The following MAPK10 variants were observed in gnomAD, a reference collection of about 807,000 sequenced individuals.
MAPK10 encodes the protein mitogen-activated protein kinase 10.
Under a neutral mutation model 59.3 loss-of-function variants are expected in MAPK10, and 25 were observed. That is an observed-to-expected ratio of 0.42 (90% CI 0.31 to 0.59). MAPK10 has a LOEUF of 0.59. Among genes scored for constraint, MAPK10 ranks in the 20% least tolerant of loss-of-function variants. MAPK10 has a pLI of 0.15. For synonymous variants in MAPK10, 190 were observed against 200.5 expected (o/e 0.95, Z 0.44); for missense variants, 351 against 568.9 (o/e 0.62, Z 3.90).
At chr4:86,564,904 CG>C (rs1184992462) in intron 1 of MAPK10, among the ~76,000 whole-genome samples, 2 of 152,026 alleles carry the variant, frequency 1.3e-5, no homozygotes, top group Admixed American at 6.6e-5. Context: ...CATGAGATGG[CG>C]GGGGAAGTTC....
In MAPK10 at chr4:86,396,296, G is replaced by A. The variant is rs1031883414; in HGVS notation, c.-121-41652C>T. Among the ~76,000 whole-genome samples the A allele has an allele frequency of 1.2e-4, 19 of 152,254 alleles. No individual in the cohort carries two copies. The East Asian group carries it at 3.5e-3, about 28-fold the overall frequency. Reference sequence around the variant, plus strand: ...CAGGAGGCGGAGCTTGCAGTGAGCCGAGATCGTGCCACTGCACTCCAGCCT... The same window carrying A: ...CAGGAGGCGGAGCTTGCAGTGAGCCAAGATCGTGCCACTGCACTCCAGCCT... On this transcript the variant is annotated intron_variant, in intron 1 of 13. Transcript: ENST00000361569.
intron 1 of MAPK10, among the ~76,000 whole-genome samples, chr4:86,504,074 C>G (rs1755539636): frequency 6.6e-6 from 1 of 152,100 alleles, no homozygotes; most frequent in Non-Finnish European, 1.5e-5. Flanking sequence ...CCAGCCTACC[C>G]AGATAATCCC....
chr4:86,325,697 A>G (rs2096007273), intron 2 of MAPK10, among the ~76,000 whole-genome samples: 1 of 152,224 alleles, frequency 6.6e-6, no homozygotes, highest in African/African-American at 2.4e-5. Context: ...AGTAAAAACA[A>G]TTTGGAATAG....
At chr4:86,070,727 T>A (rs1168924029) in intron 9 of MAPK10, among the ~76,000 whole-genome samples, 1 of 150,990 alleles carries the variant, frequency 6.6e-6, no homozygotes, top group Non-Finnish European at 1.5e-5. Context: ...GAACTCATCA[T>A]TTTTTATGGC....
At chr4:86,142,875 T>A (rs945184284) in intron 4 of MAPK10, among the ~76,000 whole-genome samples, 6 of 152,184 alleles carry the variant, frequency 3.9e-5, no homozygotes, top group African/African-American at 1.4e-4. Context: ...TAACTATATA[T>A]TTCCAGCTTT....
At chr4:86,135,675 A>T (rs957871701) in intron 4 of MAPK10, among the ~76,000 whole-genome samples, 7 of 152,208 alleles carry the variant, frequency 4.6e-5, no homozygotes, top group African/African-American at 1.7e-4. Flanking sequence ...CAACGGAACA[A>T]AGCTGGATGG....
At chr4:86,199,612 A>G (rs1266702020) in intron 2 of MAPK10, among the ~76,000 whole-genome samples, 2 of 152,054 alleles carry the variant, frequency 1.3e-5, no homozygotes, top group Non-Finnish European at 2.9e-5. Flanking sequence ...GGAGCTTCAA[A>G]GACATTAGCT....
chr4:86,261,148 A>T (rs1370510947), intron 2 of MAPK10, among the ~76,000 whole-genome samples: 3 of 152,202 alleles, frequency 2.0e-5, no homozygotes, highest in Non-Finnish European at 2.9e-5. Flanking sequence ...AAATATTAAG[A>T]TATCAGCTCA....
At chr4:86,231,536 A>C (rs2091535857) in intron 2 of MAPK10, among the ~76,000 whole-genome samples, 1 of 151,770 alleles carries the variant, frequency 6.6e-6, no homozygotes, top group Non-Finnish European at 1.5e-5. Context: ...GGTGGCGGGC[A>C]CCTGTAGTCC....
intron 1 of MAPK10, among the ~76,000 whole-genome samples, chr4:86,554,079 C>A (rs950819159): frequency 1.3e-5 from 2 of 151,878 alleles, no homozygotes; most frequent in African/African-American, 4.8e-5. Context: ...GAGGAGAAGG[C>A]AGGACGAGGG....
chr4:86,466,265 T>A (rs1200142111), intron 1 of MAPK10, among the ~76,000 whole-genome samples: 1 of 152,230 alleles, frequency 6.6e-6, no homozygotes, highest in Non-Finnish European at 1.5e-5. Flanking sequence ...ACGATTCCTA[T>A]GGAATCATTA....
At chr4:86,582,261 A>G (rs535352564) in intron 1 of MAPK10, among the ~76,000 whole-genome samples, 1 of 152,124 alleles carries the variant, frequency 6.6e-6, no homozygotes, top group South Asian at 2.1e-4. Flanking sequence ...TTGTAAGTAC[A>G]AGGCAAATTT....
intron 4 of MAPK10, among the ~76,000 whole-genome samples, chr4:86,118,714 T>G (rs1463905234): frequency 6.6e-6 from 1 of 152,098 alleles, no homozygotes; most frequent in Non-Finnish European, 1.5e-5. Flanking sequence ...TCTTCCTAAG[T>G]CATAATCATT....
intron 1 of MAPK10, among the ~76,000 whole-genome samples, chr4:86,577,434 C>T (rs1761981632): frequency 6.6e-6 from 1 of 151,646 alleles, no homozygotes; most frequent in South Asian, 2.1e-4. Flanking sequence ...AAAGAGAATC[C>T]CCAGAACAAT....
At chr4:86,371,476 C>T (rs1219245695) in intron 1 of MAPK10, among the ~76,000 whole-genome samples, 1 of 152,102 alleles carries the variant, frequency 6.6e-6, no homozygotes, top group Admixed American at 6.6e-5. Context: ...GTCATTTATT[C>T]AGGATCACAA....
chr4:86,334,871 G>T (rs942601837), intron 2 of MAPK10, among the ~76,000 whole-genome samples: 9 of 152,220 alleles, frequency 5.9e-5, no homozygotes, highest in African/African-American at 2.2e-4. Context: ...TACTATGAAA[G>T]AAAATGTCTG....
chr4:86,036,000 T>C (rs529413964), intron 11 of MAPK10, among the ~76,000 whole-genome samples: 8 of 151,902 alleles, frequency 5.3e-5, no homozygotes, highest in African/African-American at 1.2e-4. Context: ...AATTTAAAGA[T>C]TGGACAGAGG....
chr4:86,413,533 G>A (rs1038047587), intron 1 of MAPK10, among the ~76,000 whole-genome samples: 3 of 152,236 alleles, frequency 2.0e-5, no homozygotes, highest in African/African-American at 7.2e-5. Flanking sequence ...TAGAGAGACA[G>A]TAGTCCTTGC....
chr4:86,453,915 C>T (rs2149057225), upstream of MAPK10, among the ~76,000 whole-genome samples: 1 of 152,270 alleles, frequency 6.6e-6, no homozygotes, highest in East Asian at 1.9e-4. Context: ...AGCTAAGAGA[C>T]CCACAGATGG....
Sources: allele counts gnomAD v4.1 joint callset (sites outside exome capture counted in the v4.1 genomes callset), GRCh38; gene constraint gnomAD v4.1.1; transcripts MANE v1.5; gene names NCBI Gene and HGNC (gene_info 2026-07-23, HGNC 2026-07-21).